OBSL1: variants seen among roughly 807,000 people sequenced by gnomAD.
The protein encoded by OBSL1 is obscurin like cytoskeletal adaptor 1.
In OBSL1, 160 loss-of-function variants were observed where a neutral mutation model predicts 172.0. The ratio of observed to expected loss-of-function variants is 0.93; its 90% CI spans 0.82 to 1.06. OBSL1 has a LOEUF of 1.06. Ranked by LOEUF, OBSL1 falls within the 50% of genes least tolerant of loss-of-function variation. OBSL1 has a pLI of 0.00. For missense variants in OBSL1, 2,681 were observed against 2,715.4 expected (o/e 0.99, Z 0.28); for synonymous variants, 1,200 against 1,196.3 (o/e 1.00, Z -0.06).
chr2:219,551,727 C>G lies in OBSL1; in HGVS notation c.5485G>C (p.Glu1829Gln). The change falls in exon 20 of 21, where the codon GAG (glutamate) becomes CAG (glutamine). Residue 1829 changes from glutamate to glutamine, a missense_variant. Around this residue, in one of 5 missense-constraint regions of OBSL1, gnomAD observed 1,765 missense variants for 1,748.3 expected, o/e 1.01. Coordinates refer to ENST00000404537, the MANE Select transcript of OBSL1 (RefSeq NM_015311.3). The stretch of plus-strand genomic sequence containing the variant: ...CCCCCCGAGCGGGACACAGTCACCT[C>G]CAGCACCGCCCGGCGGCCCACCAGA... ...TVLVGRRAVL[E>Q]VTVSRSGGHV... 6.2e-7 allele frequency: 1 copy of G among 1,604,176 alleles called. No homozygotes were observed. The highest frequency in any genetic ancestry group is 8.5e-7 in the Non-Finnish European group (1 of 1,174,278).
rs371866150 is a variant in OBSL1 at position 219,570,348 on chromosome 2, G to A, written c.885C>T (p.Tyr295=). The change falls in exon 1 of 21, where the codon TAC becomes TAT. Residue 295 remains tyrosine, a synonymous_variant. Coordinates refer to ENST00000404537, the MANE Select transcript of OBSL1 (RefSeq NM_015311.3). ...GCACGAAGCCGCCGTCGCGGTCGCG[G>A]TACATGAGGCGGCGGCGGTCCGGGA... ...PLLPDRRRLM[Y]RDRDGGFVLK... The A allele has an allele frequency of 6.8e-6, 11 of 1,612,916 alleles. No homozygotes were observed. In the East Asian group the frequency reaches 2.2e-4, roughly 33 times the overall value.
At chr2:219,553,771 C>G in intron 15 of OBSL1, 85 bp from the exon 16 acceptor site, 1 of 768,888 alleles carries the variant, frequency 1.3e-6, no homozygotes, top group Non-Finnish European at 2.1e-6. Context: ...CACTTGGGCA[C>G]AACAGGCAGT....
At position 219,570,977 on chromosome 2, in the gene OBSL1, C is replaced by G; in HGVS notation, c.256G>C (p.Ala86Pro). The G allele has an allele frequency of 7.7e-7, 1 of 1,293,826 alleles. No individual in the cohort carries two copies. Among genetic ancestry groups the G allele is most frequent in the Admixed American group, 4.1e-5 (1 of 24,492 alleles). The allele number at this position is 1,293,826 out of a possible 1,614,324, so 80.1% of individuals were successfully genotyped here. The change falls in exon 1 of 21, where the codon GCC (alanine) becomes CCC (proline). Residue 86 changes from alanine (A) to proline (P), a missense_variant. Coordinates refer to ENST00000404537, the MANE Select transcript of OBSL1 (RefSeq NM_015311.3). Reference sequence around the variant, plus strand: ...TAGGCCTCGCCGGCCGCGTTGCGGGCGCGGCACACGTAGACCCCCGCGTCG... The same window carrying G: ...TAGGCCTCGCCGGCCGCGTTGCGGGGGCGGCACACGTAGACCCCCGCGTCG... Reference protein sequence around the residue: ...PTDAGVYVCRARNAAGEAYAA... With the variant: ...PTDAGVYVCRPRNAAGEAYAA...
At chr2:219,556,770 C>T (rs1337990529) in intron 12 of OBSL1, 47 bp from the exon 13 acceptor site, 1 of 1,518,852 alleles carries the variant, frequency 6.6e-7, no homozygotes, top group Non-Finnish European at 8.9e-7. Context: ...CTTTTCTTCT[C>T]TCTCCTTTTC....
chr2:219,553,727 T>G (rs1218653908), intron 15 of OBSL1, 41 bp from the exon 16 acceptor site: 1 of 1,444,070 alleles, frequency 6.9e-7, no homozygotes, highest in Non-Finnish European at 9.7e-7. Context: ...GGGAGCAGGA[T>G]GGGGACCCAT....
Position 219,562,681 on chromosome 2 carries a change from G to A in OBSL1, c.2681-7C>T, listed in dbSNP as rs1193236223. The A allele has an allele frequency of 2.0e-5, 30 of 1,537,918 alleles. No homozygotes were observed. The Middle Eastern group carries it at 8.5e-4, about 43-fold the overall frequency. On this transcript the variant is annotated splice_polypyrimidine_tract_variant and splice_region_variant and intron_variant, in intron 7 of 20. Transcript: ENST00000404537. ...ACGATCCACGAGGAGACGTCTGGAG[G>A]ACAGGGACAGCCACTGCCGGGCATG...
chr2:219,559,647 T>C (rs1377108900), intron 8 of OBSL1, 150 bp from the exon 9 acceptor site: 1 of 696,184 alleles, frequency 1.4e-6, no homozygotes, highest in Non-Finnish European at 2.3e-6. Flanking sequence ...GTTTGTTCTC[T>C]GAAATCCCTG....
In OBSL1 at chr2:219,559,249, C is replaced by A; in HGVS notation, c.3202G>T (p.Ala1068Ser). The change falls in exon 9 of 21, where the codon GCC becomes TCC. Residue 1068 changes from alanine to serine, a missense_variant. Around this residue, in one of 5 missense-constraint regions of OBSL1, gnomAD observed 1,765 missense variants for 1,748.3 expected, o/e 1.01. Coordinates refer to ENST00000404537, the MANE Select transcript of OBSL1 (RefSeq NM_015311.3). ...CCTGTGACAGTGACAGTGAAGAAGG[C>A]CGAGTCATCTCCAGCATCACATACA... Reference protein sequence around the residue: ...EFVCDAGDDSAFFTVTVTAPP... With the variant: ...EFVCDAGDDSSFFTVTVTAPP... The A allele has an allele frequency of 6.2e-7, 1 of 1,609,006 alleles. No individual in the cohort carries two copies. Among genetic ancestry groups the A allele is most frequent in the African/African-American group, 1.3e-5 (1 of 74,976 alleles).
rs370478504 is a variant in OBSL1 at position 219,567,117 on chromosome 2, G to A, written c.1847C>T (p.Ala616Val). ...ATCCTCCAGACCTGCCACCAGGCGA[G>A]CTGTGGGCACTGAGGCAGGGACAGA... Reference protein sequence around the residue: ...FHGSAHLVPTARLVAGLEDVQ... With the variant: ...FHGSAHLVPTVRLVAGLEDVQ... The change falls in exon 5 of 21, where the codon GCT becomes GTT. Residue 616 changes from alanine to valine, a missense_variant. This residue lies in a region of OBSL1 where 53 missense variants were observed against 85.5 expected (regional missense o/e 0.62). Coordinates refer to ENST00000404537, the MANE Select transcript of OBSL1 (RefSeq NM_015311.3). The A allele has an allele frequency of 1.2e-6, 2 of 1,612,992 alleles. No homozygotes were observed. The highest frequency in any genetic ancestry group is 2.7e-5 in the African/African-American group (2 of 74,940).
chr2:219,547,256 A>G (rs1373114121), downstream of OBSL1: 1 of 389,890 alleles, frequency 2.6e-6, no homozygotes. Flanking sequence ...CCTCAAATAC[A>G]TCAACCCTCA....
In OBSL1 at chr2:219,571,151, C is replaced by A; in HGVS notation, c.82G>T (p.Glu28Ter). The change falls in exon 1 of 21, where the codon GAG becomes TAG. Residue 28 changes from glutamate to a stop codon, truncating the protein, a stop_gained. Transcript: ENST00000404537. LOFTEE classifies it high-confidence loss of function. ...AGGACCACGCACTTGAGCTCGGCCTCGGCGCCACTTACCACCCGCACAGGC... is the reference window on the plus strand; with the variant it reads ...AGGACCACGCACTTGAGCTCGGCCTAGGCGCCACTTACCACCCGCACAGGC... ...PRPVRVVSGAEAELKCVVLGE... is the reference protein window; with the variant it reads ...PRPVRVVSGA 6.7e-7 allele frequency: 1 copy of A among 1,487,732 alleles called. No individual in the cohort carries two copies. The highest frequency in any genetic ancestry group is 8.9e-7 in the Non-Finnish European group (1 of 1,123,228). The allele number at this position is 1,487,732 out of a possible 1,614,324, so 92.2% of individuals were successfully genotyped here. A position where few individuals can be genotyped will look rare whatever the true frequency, so the allele number is the denominator to read the frequency against.
chr2:219,564,489 G>T (rs1284997758), intron 6 of OBSL1, among the ~76,000 whole-genome samples: 2 of 152,230 alleles, frequency 1.3e-5, no homozygotes, highest in East Asian at 1.9e-4. Context: ...AAATGAAAGA[G>T]TGTATATTGA....
At chr2:219,551,182 G>A (rs1695586948) in intron 20 of OBSL1, 1 of 1,387,848 alleles carries the variant, frequency 7.2e-7, no homozygotes, top group Non-Finnish European at 9.3e-7. Flanking sequence ...GGAGGGACAG[G>A]CTGGAGGAAG....
At position 219,570,740 on chromosome 2, in the gene OBSL1, C is replaced by A. The variant is rs1697289004; in HGVS notation, c.493G>T (p.Gly165Trp). 6.6e-7 allele frequency: 1 copy of A among 1,510,512 alleles called. No homozygotes were observed. The highest frequency in any genetic ancestry group is 8.8e-7 in the Non-Finnish European group (1 of 1,136,510). The allele number at this position is 1,510,512 out of a possible 1,614,324, so 93.6% of individuals were successfully genotyped here. A position where few individuals can be genotyped will look rare whatever the true frequency, so the allele number is the denominator to read the frequency against. ...PEPTLYWEKD[G>W]MALDEVWDSS... ...TCCCACACTTCGTCCAGGGCCATCC[C>A]GTCCTTCTCCCAGTACAGTGTGGGC... Residue 165 changes from glycine to tryptophan, a missense_variant, in exon 1 of 21, where the codon GGG becomes TGG. Around this residue, in one of 5 missense-constraint regions of OBSL1, gnomAD observed 706 missense variants for 695.8 expected, o/e 1.01. Coordinates refer to ENST00000404537, the MANE Select transcript of OBSL1 (RefSeq NM_015311.3).
In OBSL1 at chr2:219,552,508, G is replaced by GC. The variant is rs564852781; in HGVS notation, c.5308+27dup. 1.9e-4 allele frequency: 293 copies of GC among 1,582,290 alleles called. No homozygotes were observed. In the African/African-American group the frequency reaches 3.7e-3, roughly 20 times the overall value. On this transcript the variant is annotated intron_variant, in intron 18 of 20. Transcript: ENST00000404537. ...TCGAGCCTGGGCGGGGCAGCGAGGG[G>GC]CCCGAAAGGGTAACCAGGCGGGCAG...
Position 219,558,068 on chromosome 2 carries a change from G to A in OBSL1, c.3545C>T (p.Pro1182Leu), listed in dbSNP as rs571685306. The A allele has an allele frequency of 1.1e-5, 17 of 1,613,718 alleles. No individual in the cohort carries two copies. The African/African-American group carries it at 1.3e-4, about 13-fold the overall frequency. Residue 1182 changes from proline to leucine, a missense_variant, in exon 11 of 21, where the codon CCG (proline) becomes CTG (leucine). Around this residue, in one of 5 missense-constraint regions of OBSL1, gnomAD observed 1,765 missense variants for 1,748.3 expected, o/e 1.01. Transcript: ENST00000404537. ...QFLALETTPS[P>L]LCVAPGEPVV... Reference sequence around the variant, plus strand: ...TGGCTCCCCAGGGGCCACACAGAGCGGGCTTGGAGTTGTCTCTAGAGCAAG... The same window carrying A: ...TGGCTCCCCAGGGGCCACACAGAGCAGGCTTGGAGTTGTCTCTAGAGCAAG...
chr2:219,551,357 G>A (rs912197760), intron 20 of OBSL1, 172 bp downstream of exon 20: 1 of 1,401,862 alleles, frequency 7.1e-7, no homozygotes, highest in Non-Finnish European at 9.3e-7. Context: ...GCAGTTCCAG[G>A]GCTTTCCAGC....
intron 20 of OBSL1, 115 bp from the exon 21 acceptor site, chr2:219,550,957 A>G: frequency 1.3e-6 from 2 of 1,542,630 alleles, no homozygotes; most frequent in South Asian, 1.2e-5. Context: ...GTTCTGCCCT[A>G]CCCTTTCTGG....
intron 16 of OBSL1, 120 bp from the exon 17 acceptor site, chr2:219,553,144 C>T (rs918193923): frequency 7.7e-7 from 1 of 1,303,152 alleles, no homozygotes; most frequent in Non-Finnish European, 1.0e-6. Context: ...TTATGCGTGT[C>T]TCGTGTTCCC....
Sources: allele counts gnomAD v4.1 joint callset (sites outside exome capture counted in the v4.1 genomes callset), GRCh38; gene constraint gnomAD v4.1.1; regional missense constraint gnomAD v4.1.1; transcripts MANE v1.5; gene names NCBI Gene and HGNC (gene_info 2026-07-23, HGNC 2026-07-21).